The following ABCB1 variants were observed in gnomAD, a reference collection of about 807,000 sequenced individuals.
ABCB1 encodes the protein ATP binding cassette subfamily B member 1.
In ABCB1, 69 loss-of-function variants were observed where a neutral mutation model predicts 142.0. That is an observed-to-expected ratio of 0.49 (90% CI 0.40 to 0.59). The LOEUF is 0.59. Among genes scored for constraint, ABCB1 ranks in the 20% least tolerant of loss-of-function variants. The pLI is 0.00. For missense variants in ABCB1, 1,326 were observed against 1,554.7 expected (o/e 0.85, Z 2.47); for synonymous variants, 532 against 539.2 (o/e 0.99, Z 0.18).
intron 26 of ABCB1, among the ~76,000 whole-genome samples, chr7:87,506,523 A>C (rs1814753978): frequency 6.6e-6 from 1 of 152,120 alleles, no homozygotes; most frequent in Admixed American, 6.5e-5. Context: ...AAGTATCTCC[A>C]ACACTTAAAC....
At chr7:87,702,923 T>C (rs75061094) in intron 1 of ABCB1, among the ~76,000 whole-genome samples, 165 of 152,288 alleles carry the variant, frequency 1.1e-3, no homozygotes, top group African/African-American at 3.9e-3. Flanking sequence ...AGGTTGAGTA[T>C]ACCTAACTAA....
In ABCB1 at chr7:87,531,287, G is replaced by T; in HGVS notation, c.2685+7C>A. ...TTAATTAATCAATCATATTTAGTTT[G>T]ACTCACCTTCCCAGAACCTTCTAGT... On this transcript the variant is annotated splice_region_variant and intron_variant, in intron 21 of 27. Transcript: ENST00000622132. 1 of 1,609,840 alleles carries T rather than the reference G, an allele frequency of 6.2e-7. No homozygotes were observed. The highest frequency in any genetic ancestry group is 1.1e-5 in the South Asian group (1 of 90,952).
At chr7:87,637,959 T>A (rs1275055640) in intron 1 of ABCB1, among the ~76,000 whole-genome samples, 3 of 152,126 alleles carry the variant, frequency 2.0e-5, no homozygotes, top group Non-Finnish European at 4.4e-5. Flanking sequence ...CAAAATTTTA[T>A]TATTAAATAG....
At chr7:87,524,572 TG>T (rs1028298618) in intron 21 of ABCB1, among the ~76,000 whole-genome samples, 1 of 150,096 alleles carries the variant, frequency 6.7e-6, no homozygotes, top group African/African-American at 2.5e-5. Context: ...CATCACACAC[TG>T]GGGCCTGTTG....
intron 1 of ABCB1, among the ~76,000 whole-genome samples, chr7:87,637,519 T>C (rs1484443726): frequency 1.3e-5 from 2 of 152,208 alleles, no homozygotes; most frequent in Non-Finnish European, 2.9e-5. Flanking sequence ...CTGCCATCTT[T>C]ATGATATTAA....
At chr7:87,595,181 G>A (rs1306732648) in intron 3 of ABCB1, among the ~76,000 whole-genome samples, 1 of 152,070 alleles carries the variant, frequency 6.6e-6, no homozygotes, top group Non-Finnish European at 1.5e-5. Flanking sequence ...TGTGCAACCA[G>A]AAAATGAAAT....
At chr7:87,710,712 A>C in intron 1 of ABCB1, 1 of 936,206 alleles carries the variant, frequency 1.1e-6, no homozygotes, top group East Asian at 2.5e-5. Context: ...CTGAAGACTC[A>C]GAAATCAGAA....
At chr7:87,695,724 A>G (rs1046338461) in intron 1 of ABCB1, among the ~76,000 whole-genome samples, 11 of 152,144 alleles carry the variant, frequency 7.2e-5, no homozygotes. Flanking sequence ...TTCTTGTATT[A>G]TGAAAAGATC....
At chr7:87,611,217 C>T (rs762659169) in intron 1 of ABCB1, among the ~76,000 whole-genome samples, 10 of 152,176 alleles carry the variant, frequency 6.6e-5, no homozygotes, top group Admixed American at 1.3e-4. Context: ...CAGGCCACTT[C>T]TCCCCTTATT....
At chr7:87,712,852 TATA>T in intron 1 of ABCB1, among the ~76,000 whole-genome samples, 1 of 152,136 alleles carries the variant, frequency 6.6e-6, no homozygotes, top group Admixed American at 6.5e-5. Flanking sequence ...CACACATACA[TATA>T]ATATTTACAC....
chr7:87,538,102 C>A (rs896494293), intron 19 of ABCB1, among the ~76,000 whole-genome samples: 2 of 152,174 alleles, frequency 1.3e-5, no homozygotes, highest in Non-Finnish European at 2.9e-5. Flanking sequence ...AAGCAGAAGG[C>A]ACTTAATAAA....
chr7:87,559,542 A>T (rs182260519), intron 8 of ABCB1, among the ~76,000 whole-genome samples: 2,321 of 152,182 alleles, frequency 0.015, 26 homozygotes, highest in Non-Finnish European at 0.026. Context: ...TTTCTATTAA[A>T]TTAATTTTTG....
rs1238179714 is a variant in ABCB1 at position 87,520,883 on chromosome 7, C to T, written c.2686-7G>A. On this transcript the variant is annotated splice_region_variant and splice_polypyrimidine_tract_variant and intron_variant, in intron 21 of 27. Transcript: ENST00000622132. The stretch of plus-strand genomic sequence containing the variant: ...CTATTGCTTCAGTAGCGATCTGTAA[C>T]AGACAGCACCGATCACCAAGAGGCA... 1 of 1,609,888 alleles carries T rather than the reference C, an allele frequency of 6.2e-7. No homozygotes were observed. The highest frequency in any genetic ancestry group is 1.3e-5 in the African/African-American group (1 of 74,804).
chr7:87,713,121 T>C (rs1830238032), intron 1 of ABCB1: 1 of 152,228 alleles, frequency 6.6e-6, no homozygotes, highest in African/African-American at 2.4e-5. Flanking sequence ...AGATTAGATT[T>C]GTAAAATACA....
intron 1 of ABCB1, among the ~76,000 whole-genome samples, chr7:87,705,820 T>C (rs1334056669): frequency 6.6e-6 from 1 of 152,200 alleles, no homozygotes; most frequent in South Asian, 2.1e-4. Flanking sequence ...CCACTCCCAA[T>C]TGAATCTTTA....
chr7:87,603,031 A>C (rs1284648482), upstream of ABCB1: 1 of 152,214 alleles, frequency 6.6e-6, no homozygotes, highest in Non-Finnish European at 1.5e-5. Context: ...AGTGACTGCC[A>C]CAATCTGCAC....
chr7:87,561,729 T>C (rs1360582354), intron 7 of ABCB1, among the ~76,000 whole-genome samples: 1 of 152,210 alleles, frequency 6.6e-6, no homozygotes. Context: ...CTCACACTTG[T>C]AATCCTAACA....
intron 1 of ABCB1, among the ~76,000 whole-genome samples, chr7:87,670,753 T>C (rs1585054317): frequency 6.6e-6 from 1 of 152,200 alleles, no homozygotes; most frequent in East Asian, 1.9e-4. Context: ...TGAGGTATTT[T>C]TGATGTTAAA....
At chr7:87,698,970 G>T (rs1006421725) in intron 1 of ABCB1, among the ~76,000 whole-genome samples, 1 of 152,088 alleles carries the variant, frequency 6.6e-6, no homozygotes, top group Non-Finnish European at 1.5e-5. Flanking sequence ...ATACTAGGGG[G>T]CGATTTTTAA....
Sources: allele counts gnomAD v4.1 joint callset (sites outside exome capture counted in the v4.1 genomes callset), GRCh38; gene constraint gnomAD v4.1.1; transcripts MANE v1.5; gene names NCBI Gene and HGNC (gene_info 2026-07-23, HGNC 2026-07-21).